Variants in SRGAP2 observed in about 807,000 individuals in gnomAD.
SRGAP2 encodes the protein SLIT-ROBO Rho GTPase activating protein 2.
A neutral mutation model predicts 57.2 loss-of-function variants in SRGAP2; 15 were observed. The observed-to-expected ratio is 0.26, with a 90% CI of 0.18 to 0.40. The LOEUF is 0.40. Ranked by LOEUF, SRGAP2 falls within the 10% of genes least tolerant of loss-of-function variation. SRGAP2 has a pLI of 1.00. For missense variants in SRGAP2, 520 were observed against 669.6 expected, an observed-to-expected ratio of 0.78 and a Z score of 2.47; for synonymous variants, 249 against 248.0, an observed-to-expected ratio of 1.00 and a Z score of -0.04.
chr1:206,347,761 G>C (rs1553337281), intron 4 of SRGAP2, among the ~76,000 whole-genome samples: 1 of 148,154 alleles, frequency 6.7e-6, no homozygotes, highest in African/African-American at 2.6e-5. Flanking sequence ...ATTTCACTTA[G>C]TTATAGAATT....
chr1:206,448,788 A>G (rs983102174), intron 18 of SRGAP2, among the ~76,000 whole-genome samples: 10 of 152,204 alleles, frequency 6.6e-5, no homozygotes, highest in Non-Finnish European at 1.0e-4. Context: ...GAACATTACA[A>G]AATTCATCAG....
rs1166411422 is a variant in SRGAP2 at position 206,296,499 on chromosome 1, G to A, written c.68-6782G>A. Among the ~76,000 whole-genome samples the A allele has an allele frequency of 2.6e-5, 4 of 151,526 alleles. No individual in the cohort carries two copies. The South Asian group carries it at 8.4e-4, about 32-fold the overall frequency. On this transcript the variant is annotated intron_variant, in intron 2 of 22. Coordinates refer to ENST00000573034, the MANE Select transcript of SRGAP2 (RefSeq NM_015326.5). ...GGCTGGAGTATAGTGGCACAATCAC[G>A]GCTCACTGTGGCCTTGACCTCCTGG...
At chr1:206,460,008 G>A (rs1343124391) in intron 22 of SRGAP2, among the ~76,000 whole-genome samples, 4 of 152,222 alleles carry the variant, frequency 2.6e-5, no homozygotes, top group African/African-American at 7.2e-5. Flanking sequence ...TGTAGAGTGC[G>A]ACTGAGGAGG....
At chr1:206,293,394 TAC>T (rs1299521818) in intron 2 of SRGAP2, among the ~76,000 whole-genome samples, 1 of 72,178 alleles carries the variant, frequency 1.4e-5, no homozygotes, top group Non-Finnish European at 2.8e-5. Context: ...CTTCTCTTCA[TAC>T]TCTTCTGTGT....
In SRGAP2 at chr1:206,421,242, G is replaced by A; in HGVS notation, c.1470-8G>A. On this transcript the variant is annotated splice_region_variant and splice_polypyrimidine_tract_variant and intron_variant, in intron 12 of 22. Transcript: ENST00000573034. The stretch of plus-strand genomic sequence containing the variant: ...TGGTCCAATCTGATTCGGCGGGATT[G>A]GTCACAGGCGCAGCTCAACTGTGAG... 1 of 778,100 alleles carries A rather than the reference G, an allele frequency of 1.3e-6. No homozygotes were observed. The highest frequency in any genetic ancestry group is 2.4e-6 in the Non-Finnish European group (1 of 416,748). 48.2% of individuals were successfully genotyped at this position (778,100 alleles called of 1,614,324 possible). A position where few individuals can be genotyped will look rare whatever the true frequency, so the allele number is the denominator to read the frequency against.
At chr1:206,366,554 A>G (rs1273272489) in intron 4 of SRGAP2, among the ~76,000 whole-genome samples, 2 of 152,032 alleles carry the variant, frequency 1.3e-5, no homozygotes, top group Admixed American at 1.3e-4. Context: ...AAAGGCAGGA[A>G]TGCAGGAAGG....
chr1:206,335,364 C>T (rs1365662707), intron 3 of SRGAP2, among the ~76,000 whole-genome samples: 9 of 152,148 alleles, frequency 5.9e-5, no homozygotes, highest in Non-Finnish European at 1.3e-4. Flanking sequence ...CCCAGGTCTA[C>T]AGAAGCTATA....
chr1:206,427,591 C>T (rs1009656256), intron 13 of SRGAP2, among the ~76,000 whole-genome samples: 77 of 152,188 alleles, frequency 5.1e-4, no homozygotes, highest in African/African-American at 1.8e-3. Flanking sequence ...CAGCTGCTTG[C>T]CTAATAGTGG....
chr1:206,239,784 T>C (rs1553308731), intron 2 of SRGAP2, among the ~76,000 whole-genome samples: 1 of 151,780 alleles, frequency 6.6e-6, no homozygotes, highest in African/African-American at 2.4e-5. Context: ...TGATGTACTT[T>C]TTAGCCAGAG....
intron 2 of SRGAP2, among the ~76,000 whole-genome samples, chr1:206,258,889 C>T (rs1394180055): frequency 2.0e-5 from 3 of 146,436 alleles, no homozygotes; most frequent in African/African-American, 5.2e-5. Context: ...ATGAGACTCC[C>T]GGGACATCCA....
In SRGAP2 at chr1:206,430,610, C is replaced by G. The variant is rs781921464; in HGVS notation, c.1555+388C>G. ...CCATTTTGTCACTTTCTGTACCAGA[C>G]TAGTTTGAAAACAACTCCTTTCCCA... is the stretch of plus-strand genomic sequence containing the variant. On this transcript the variant is annotated intron_variant, in intron 14 of 22. Coordinates refer to ENST00000573034, the MANE Select transcript of SRGAP2 (RefSeq NM_015326.5). 9.1e-4 allele frequency among the ~76,000 whole-genome samples: 138 copies of G among 152,352 alleles called. 1 individual carries two copies. The highest frequency in any genetic ancestry group is 1.6e-3 in the Non-Finnish European group (106 of 68,040).
intron 4 of SRGAP2, among the ~76,000 whole-genome samples, chr1:206,346,784 G>A (rs1334690295): frequency 2.6e-5 from 4 of 152,096 alleles, no homozygotes; most frequent in Admixed American, 6.5e-5. Flanking sequence ...ATGATTCACT[G>A]CAAAAATTAT....
At chr1:206,276,473 G>A (rs1181190984) in intron 2 of SRGAP2, among the ~76,000 whole-genome samples, 19 of 135,442 alleles carry the variant, frequency 1.4e-4, no homozygotes, top group South Asian at 5.2e-4. Flanking sequence ...GGTGGGGGGT[G>A]GGGTAGGGGG....
At chr1:206,298,857 C>G (rs1671727299) in intron 2 of SRGAP2, among the ~76,000 whole-genome samples, 1 of 151,382 alleles carries the variant, frequency 6.6e-6, no homozygotes, top group Non-Finnish European at 1.5e-5. Context: ...CAGGTTGGGG[C>G]TTATTACCAC....
chr1:206,346,984 G>C (rs1675678055), intron 4 of SRGAP2, among the ~76,000 whole-genome samples: 1 of 151,086 alleles, frequency 6.6e-6, no homozygotes, highest in African/African-American at 2.4e-5. Context: ...GCTCAAGCCT[G>C]TAATCCCAGC....
intron 14 of SRGAP2, among the ~76,000 whole-genome samples, chr1:206,430,475 G>C (rs1488190908): frequency 1.3e-5 from 2 of 152,202 alleles, no homozygotes; most frequent in Non-Finnish European, 1.5e-5. Flanking sequence ...TTGAGAGTAA[G>C]TTTGAAATTG....
At chr1:206,244,599 T>A (rs1166440725) in intron 2 of SRGAP2, among the ~76,000 whole-genome samples, 1 of 149,006 alleles carries the variant, frequency 6.7e-6, no homozygotes, top group Non-Finnish European at 1.5e-5. Flanking sequence ...CAACACGAGA[T>A]GGTATTTCTT....
intron 2 of SRGAP2, among the ~76,000 whole-genome samples, chr1:206,260,670 G>C (rs1210398081): frequency 6.6e-6 from 1 of 152,126 alleles, no homozygotes; most frequent in Non-Finnish European, 1.5e-5. Flanking sequence ...TTTCTCATTC[G>C]TATATCAGAG....
At chr1:206,285,400 C>T (rs1241314940) in intron 2 of SRGAP2, among the ~76,000 whole-genome samples, 1 of 152,136 alleles carries the variant, frequency 6.6e-6, no homozygotes, top group Non-Finnish European at 1.5e-5. Flanking sequence ...GGGAATGGTC[C>T]TTTTGCTCTC....
Sources: allele counts gnomAD v4.1 joint callset (sites outside exome capture counted in the v4.1 genomes callset), GRCh38; gene constraint gnomAD v4.1.1; transcripts MANE v1.5; gene names NCBI Gene and HGNC (gene_info 2026-07-23, HGNC 2026-07-21).